The following GMDS variants were observed in gnomAD, a reference collection of about 807,000 sequenced individuals.
GMDS encodes the protein GDP-mannose 4,6-dehydratase, also known as GDP-mannose 4,6 dehydratase.
GMDS carries 20 observed loss-of-function variants against 49.9 expected under a neutral mutation model. The observed-to-expected ratio is 0.40, with a 90% CI of 0.28 to 0.58. GMDS has a LOEUF of 0.58. Among genes scored for constraint, GMDS ranks in the 20% least tolerant of loss-of-function variants. The pLI, the probability that GMDS is intolerant of heterozygous loss-of-function variation, is 0.42. For missense variants in GMDS, 362 were observed against 481.4 expected, an observed-to-expected ratio of 0.75 and a Z score of 2.32; for synonymous variants, 177 against 178.6, an observed-to-expected ratio of 0.99 and a Z score of 0.07.
At chr6:1,861,294 G>A (rs1758171200) in intron 7 of GMDS, among the ~76,000 whole-genome samples, 1 of 152,194 alleles carries the variant, frequency 6.6e-6, no homozygotes, top group South Asian at 2.1e-4. Flanking sequence ...TGTATAAAAT[G>A]GGAAGAGATG....
intron 9 of GMDS, among the ~76,000 whole-genome samples, chr6:1,722,942 C>T (rs143685482): frequency 1.3e-5 from 2 of 152,166 alleles, no homozygotes; most frequent in Non-Finnish European, 2.9e-5. Context: ...CAGGATCAGG[C>T]TCTCTGTGGT....
intron 7 of GMDS, among the ~76,000 whole-genome samples, chr6:1,747,212 G>T (rs181673543): frequency 7.9e-5 from 12 of 152,152 alleles, no homozygotes; most frequent in Admixed American, 3.9e-4. Flanking sequence ...GACTACACCT[G>T]ATTCCGTGCA....
chr6:2,105,933 C>T (rs1774217946), intron 4 of GMDS, among the ~76,000 whole-genome samples: 1 of 152,184 alleles, frequency 6.6e-6, no homozygotes, highest in African/African-American at 2.4e-5. Context: ...ACAAGTTGAG[C>T]TAACCTTTCA....
intron 9 of GMDS, among the ~76,000 whole-genome samples, chr6:1,661,439 CGTT>C (rs1375521826): frequency 1.3e-5 from 2 of 152,176 alleles, no homozygotes; most frequent in African/African-American, 4.8e-5. Flanking sequence ...CCTGTGATGT[CGTT>C]AAGTATGATT....
intron 9 of GMDS, among the ~76,000 whole-genome samples, chr6:1,655,728 C>A (rs1207644508): frequency 6.6e-6 from 1 of 152,202 alleles, no homozygotes; most frequent in African/African-American, 2.4e-5. Context: ...TGGTCTCAAA[C>A]TTCTGATCTC....
At chr6:1,624,930 G>C (rs1258236874) in intron 9 of GMDS, among the ~76,000 whole-genome samples, 1 of 147,648 alleles carries the variant, frequency 6.8e-6, no homozygotes, top group Admixed American at 6.8e-5. Context: ...GGAGGGAAGT[G>C]AGTAAATCAC....
At chr6:2,168,038 T>C (rs1285141256) in intron 1 of GMDS, among the ~76,000 whole-genome samples, 1 of 152,252 alleles carries the variant, frequency 6.6e-6, no homozygotes, top group Non-Finnish European at 1.5e-5. Flanking sequence ...TAGCCAATAC[T>C]GAGGCAGAAA....
chr6:2,053,331 T>C (rs1770562717), intron 4 of GMDS, among the ~76,000 whole-genome samples: 1 of 152,120 alleles, frequency 6.6e-6, no homozygotes, highest in Non-Finnish European at 1.5e-5. Flanking sequence ...ACAGTTTCCA[T>C]GTCTGGTCTT....
At chr6:1,702,007 G>T (rs1016428285) in intron 9 of GMDS, among the ~76,000 whole-genome samples, 1 of 152,244 alleles carries the variant, frequency 6.6e-6, no homozygotes, top group Non-Finnish European at 1.5e-5. Flanking sequence ...TGCGATGGGG[G>T]TGTGAGAGAT....
Position 2,051,501 on chromosome 6 carries a change from T to C in GMDS, c.345+64270A>G, listed in dbSNP as rs578018317. 1.4e-4 allele frequency among the ~76,000 whole-genome samples: 21 copies of C among 152,314 alleles called. No individual in the cohort carries two copies. The East Asian group carries it at 3.9e-3, about 28-fold the overall frequency. On this transcript the variant is annotated intron_variant, in intron 4 of 10. Coordinates refer to ENST00000380815, the MANE Select transcript of GMDS (RefSeq NM_001500.4). The stretch of plus-strand genomic sequence containing the variant: ...CTATATATTCCGGGAATAAACTCAA[T>C]TGGCTAATATTATGTTAGGCTTATT...
chr6:2,239,014 T>C (rs1781492137), intron 1 of GMDS, among the ~76,000 whole-genome samples: 1 of 152,140 alleles, frequency 6.6e-6, no homozygotes, highest in Non-Finnish European at 1.5e-5. Context: ...AAATTAATAG[T>C]TCATTGGTTT....
rs901168212 is a variant in GMDS at position 2,066,462 on chromosome 6, C to T, written c.345+49309G>A. ...TGGACTAAATGCTCCAATTAAAAGACACAGACTGGCAAATTGGATAAAGAG... is the reference window on the plus strand; with the variant it reads ...TGGACTAAATGCTCCAATTAAAAGATACAGACTGGCAAATTGGATAAAGAG... On this transcript the variant is annotated intron_variant, in intron 4 of 10. Transcript: ENST00000380815. Among the ~76,000 whole-genome samples the T allele has an allele frequency of 1.2e-3, 188 of 150,884 alleles. 1 individual carries two copies. Among genetic ancestry groups the T allele is most frequent in the African/African-American group, 4.2e-3 (171 of 40,982 alleles).
At chr6:2,177,004 G>A (rs1374482936) in intron 1 of GMDS, among the ~76,000 whole-genome samples, 5 of 152,184 alleles carry the variant, frequency 3.3e-5, no homozygotes, top group Non-Finnish European at 5.9e-5. Context: ...AGGCAGATGG[G>A]GAAGAGAGAA....
intron 7 of GMDS, among the ~76,000 whole-genome samples, chr6:1,923,165 C>T (rs561442621): frequency 1.3e-5 from 2 of 152,318 alleles, no homozygotes; most frequent in Non-Finnish European, 2.9e-5. Flanking sequence ...CACCCAGTCT[C>T]CAGTATGTCT....
At chr6:2,123,540 T>C (rs973718793) in intron 2 of GMDS, among the ~76,000 whole-genome samples, 2 of 152,216 alleles carry the variant, frequency 1.3e-5, no homozygotes, top group African/African-American at 4.8e-5. Context: ...AAGCTATTCC[T>C]TTTAACAGAT....
Position 2,083,713 on chromosome 6 carries a change from A to G in GMDS, c.345+32058T>C, listed in dbSNP as rs1581627693. The stretch of plus-strand genomic sequence containing the variant: ...AGTCTCTGATTTCTCACAAACCTTC[A>G]TGCAATTTGAGTCTTAATATAACTA... On this transcript the variant is annotated intron_variant, in intron 4 of 10. Transcript: ENST00000380815. Among the ~76,000 whole-genome samples, 5 of 152,330 alleles carry G rather than the reference A, an allele frequency of 3.3e-5. No homozygotes were observed. In the South Asian group the frequency reaches 1.0e-3, roughly 32 times the overall value.
intron 4 of GMDS, among the ~76,000 whole-genome samples, chr6:2,005,210 A>G (rs1041205632): frequency 3.9e-5 from 6 of 152,156 alleles, no homozygotes; most frequent in African/African-American, 1.2e-4. Context: ...TCCTTACTCA[A>G]TGGGGCCTGG....
At chr6:2,171,242 C>T (rs1343313303) in intron 1 of GMDS, among the ~76,000 whole-genome samples, 1 of 152,096 alleles carries the variant, frequency 6.6e-6, no homozygotes, top group Non-Finnish European at 1.5e-5. Flanking sequence ...TGAGTCTGTA[C>T]ACATATTCAA....
At chr6:1,783,975 C>A (rs183261457) in intron 7 of GMDS, among the ~76,000 whole-genome samples, 116 of 152,150 alleles carry the variant, frequency 7.6e-4, no homozygotes, top group African/African-American at 2.7e-3. Flanking sequence ...ACAAGATGAA[C>A]AAGCCTAAAA....
Sources: gnomAD v4.1 joint callset for allele counts (sites outside exome capture counted in the v4.1 genomes callset) on GRCh38, gnomAD v4.1.1 for gene constraint, MANE v1.5 for transcripts, NCBI Gene and HGNC (gene_info 2026-07-23, HGNC 2026-07-21) for gene names.